The following POSTN variants were observed in gnomAD, a reference collection of about 807,000 sequenced individuals.
POSTN encodes the protein periostin.
A neutral mutation model predicts 104.5 loss-of-function variants in POSTN; 71 were observed. The ratio of observed to expected loss-of-function variants is 0.68; its 90% CI spans 0.56 to 0.83. The LOEUF (loss-of-function observed/expected upper bound fraction) is 0.83. Ranked by LOEUF, POSTN falls within the 40% of genes least tolerant of loss-of-function variation. The pLI, the probability that POSTN is intolerant of heterozygous loss-of-function variation, is 0.00. For missense variants in POSTN, 949 were observed against 1,006.8 expected (o/e 0.94, Z 0.78); for synonymous variants, 355 against 340.7 (o/e 1.04, Z -0.46).
Position 37,569,592 on chromosome 13 carries a change from A to G in POSTN, c.2347+152T>C, listed in dbSNP as rs1481491554. ...TGTATAAAAAATATGACTGCCATTTATGCTTAATTCCTTATTCTTGTGCTT... is the reference window on the plus strand; with the variant it reads ...TGTATAAAAAATATGACTGCCATTTGTGCTTAATTCCTTATTCTTGTGCTT... On this transcript the variant is annotated intron_variant, in intron 20 of 22. Coordinates refer to ENST00000379747, the MANE Select transcript of POSTN (RefSeq NM_006475.3). 12 of 819,508 alleles carry G rather than the reference A, an allele frequency of 1.5e-5. No individual in the cohort carries two copies. In the Admixed American group the frequency reaches 2.1e-4, roughly 14 times the overall value. 50.8% of individuals were successfully genotyped at this position (819,508 alleles called of 1,614,324 possible).
chr13:37,570,347 G>A (rs1036436917), intron 19 of POSTN, among the ~76,000 whole-genome samples: 4 of 151,744 alleles, frequency 2.6e-5, no homozygotes, highest in African/African-American at 7.2e-5. Flanking sequence ...TTACATGTAT[G>A]TATGCATACA....
chr13:37,573,281 T>G (rs568409669), intron 17 of POSTN, among the ~76,000 whole-genome samples: 81 of 151,546 alleles, frequency 5.3e-4, no homozygotes, highest in Non-Finnish European at 7.6e-4. Context: ...TTGTGTCATG[T>G]TTTATTACAA....
chr13:37,582,587 ATC>A, intron 9 of POSTN, 73 bp from the exon 10 acceptor site: 1 of 1,355,140 alleles, frequency 7.4e-7, no homozygotes, highest in South Asian at 1.4e-5. Context: ...GTAAGACAGA[ATC>A]ATATAAACAG....
Position 37,569,702 on chromosome 13 carries a change from G to C in POSTN, c.2347+42C>G, listed in dbSNP as rs200649337. On this transcript the variant is annotated intron_variant, in intron 20 of 22. Transcript: ENST00000379747. ...GTTATTTTAGACTTGTATATGGATA[G>C]CTTAGGTAAAGTCACATTCTTATTT... 112 of 1,340,998 alleles carry C rather than the reference G, an allele frequency of 8.4e-5. No homozygotes were observed. Among genetic ancestry groups the C allele is most frequent in the Middle Eastern group, 5.4e-4 (3 of 5,524 alleles). 83.1% of individuals were successfully genotyped at this position (1,340,998 alleles called of 1,614,324 possible). A position where few individuals can be genotyped will look rare whatever the true frequency, so the allele number is the denominator to read the frequency against.
Position 37,586,217 on chromosome 13 carries a change from C to A in POSTN, c.817G>T (p.Ala273Ser). 1 of 1,613,752 alleles carries A rather than the reference C, an allele frequency of 6.2e-7. No homozygotes were observed. Among genetic ancestry groups the A allele is most frequent in the South Asian group, 1.1e-5 (1 of 91,054 alleles). Residue 273 changes from alanine to serine, a missense_variant, in exon 7 of 23, where the codon GCT (alanine) becomes TCT (serine). By Grantham distance (99) the Ala-to-Ser change is moderately conservative. Coordinates refer to ENST00000379747, the MANE Select transcript of POSTN (RefSeq NM_006475.3). ...LGRDGHFTLF[A>S]PTNEAFEKLP... ...TTCTCAAAAGCCTCATTGGTGGGAG[C>A]AAAGAGTGTGAAGTGACCGTCTCTT...
chr13:37,567,598 C>CT (rs1375814111), intron 21 of POSTN, among the ~76,000 whole-genome samples: 1 of 152,018 alleles, frequency 6.6e-6, no homozygotes, highest in African/African-American at 2.4e-5. Flanking sequence ...TTGATAAAAA[C>CT]TTTTAATTTT....
At chr13:37,587,068 G>T in intron 5 of POSTN, 140 bp from the exon 6 acceptor site, 2 of 712,010 alleles carry the variant, frequency 2.8e-6, no homozygotes, top group Non-Finnish European at 4.5e-6. Context: ...AAACGCTGTG[G>T]ATGAAGATTT....
At chr13:37,596,171 T>C (rs1951080442) in intron 2 of POSTN, among the ~76,000 whole-genome samples, 1 of 152,140 alleles carries the variant, frequency 6.6e-6, no homozygotes, top group Admixed American at 6.6e-5. Context: ...CCACCCGAAC[T>C]TAGGGTAACT....
chr13:37,569,698 G>T (rs996300362), intron 20 of POSTN, 46 bp downstream of exon 20: 3 of 1,317,964 alleles, frequency 2.3e-6, no homozygotes, highest in African/African-American at 2.9e-5. Context: ...CTTGTATATG[G>T]ATAGCTTAGG....
chr13:37,572,734 T>C (rs1337295830), intron 17 of POSTN, among the ~76,000 whole-genome samples: 2 of 151,618 alleles, frequency 1.3e-5, no homozygotes, highest in Non-Finnish European at 3.0e-5. Context: ...CAAAATGCTG[T>C]TATGTATCTT....
At chr13:37,592,370 T>C (rs550291652) in intron 2 of POSTN, among the ~76,000 whole-genome samples, 81 of 151,996 alleles carry the variant, frequency 5.3e-4, no homozygotes, top group Non-Finnish European at 3.7e-4. Context: ...GCGATCTGGG[T>C]TCACTGCAAG....
intron 17 of POSTN, among the ~76,000 whole-genome samples, chr13:37,574,369 A>G (rs1015966960): frequency 6.6e-6 from 1 of 151,874 alleles, no homozygotes; most frequent in Non-Finnish European, 1.5e-5. Context: ...AAATGTACTG[A>G]AAGTATTAGG....
chr13:37,569,863 CAAA>C, intron 19 of POSTN, 42 bp from the exon 20 acceptor site: 1 of 1,326,078 alleles, frequency 7.5e-7, no homozygotes, highest in Non-Finnish European at 1.1e-6. Context: ...CAGAAGTAGG[CAAA>C]CTTCTTCTGC....
At chr13:37,565,479 A>G (rs1422029839) in intron 21 of POSTN, 1 of 152,012 alleles carries the variant, frequency 6.6e-6, no homozygotes, top group Non-Finnish European at 1.5e-5. Context: ...TTTCTATTAT[A>G]TACATGTTTT....
At chr13:37,587,181 GT>G (rs1329384435) in intron 5 of POSTN, among the ~76,000 whole-genome samples, 1 of 151,996 alleles carries the variant, frequency 6.6e-6, no homozygotes, top group African/African-American at 2.4e-5. Flanking sequence ...AGGCAAAGGT[GT>G]TTTTTTCATT....
chr13:37,588,196 A>G (rs554496672), intron 4 of POSTN, among the ~76,000 whole-genome samples: 5 of 152,286 alleles, frequency 3.3e-5, no homozygotes, highest in African/African-American at 1.2e-4. Flanking sequence ...TGAATGTGAT[A>G]CAGTACTTAG....
At chr13:37,586,074 A>G in intron 7 of POSTN, 65 bp downstream of exon 7, 2 of 1,461,760 alleles carry the variant, frequency 1.4e-6, no homozygotes, top group Non-Finnish European at 1.8e-6. Context: ...GGTAAGGACT[A>G]GCCTCTTTTT....
At chr13:37,564,236 A>G (rs1274477062) in intron 22 of POSTN, among the ~76,000 whole-genome samples, 2 of 129,330 alleles carry the variant, frequency 1.5e-5, no homozygotes, top group African/African-American at 2.8e-5. Context: ...ATATGTATGG[A>G]GAATATACAC....
intron 9 of POSTN, 142 bp from the exon 10 acceptor site, chr13:37,582,656 A>G (rs963049824): frequency 2.5e-5 from 18 of 709,156 alleles, no homozygotes; most frequent in Non-Finnish European, 3.8e-5. Context: ...ACATGAATCA[A>G]CCAAATGCTA....
Sources: gnomAD v4.1 joint callset for allele counts (sites outside exome capture counted in the v4.1 genomes callset) on GRCh38, gnomAD v4.1.1 for gene constraint, MANE v1.5 for transcripts, NCBI Gene and HGNC (gene_info 2026-07-23, HGNC 2026-07-21) for gene names.